MIPEP: variants seen among roughly 807,000 people sequenced by gnomAD.
The protein encoded by MIPEP is mitochondrial intermediate peptidase.
MIPEP carries 79 observed loss-of-function variants against 90.3 expected under a neutral mutation model. The observed-to-expected ratio is 0.87, with a 90% CI of 0.73 to 1.05. The LOEUF (loss-of-function observed/expected upper bound fraction) is 1.05. Among genes scored for constraint, MIPEP ranks in the 50% least tolerant of loss-of-function variants. The probability of loss-of-function intolerance (pLI) is 0.00; values close to 1 mark genes in which losing one functional copy is unlikely to be tolerated. For synonymous variants in MIPEP, 334 were observed against 315.8 expected (o/e 1.06, Z -0.61); for missense variants, 940 against 905.6 (o/e 1.04, Z -0.49).
intron 16 of MIPEP, among the ~76,000 whole-genome samples, chr13:23,789,361 G>A (rs551979301): frequency 6.6e-6 from 1 of 152,206 alleles, no homozygotes; most frequent in East Asian, 1.9e-4. Flanking sequence ...GTCTATAGAA[G>A]CCTTTTTTAA....
At chr13:23,772,158 A>G (rs996455648) in intron 16 of MIPEP, among the ~76,000 whole-genome samples, 3 of 152,170 alleles carry the variant, frequency 2.0e-5, no homozygotes, top group Admixed American at 6.5e-5. Flanking sequence ...TACCACCTGT[A>G]TTTTGTTCAG....
intron 14 of MIPEP, among the ~76,000 whole-genome samples, chr13:23,833,612 A>G (rs1868872203): frequency 1.3e-5 from 2 of 152,188 alleles, no homozygotes; most frequent in Non-Finnish European, 2.9e-5. Flanking sequence ...TTTGCACCTT[A>G]CATCACACTT....
intron 7 of MIPEP, among the ~76,000 whole-genome samples, chr13:23,866,041 C>T (rs1398650962): frequency 1.3e-5 from 2 of 152,112 alleles, no homozygotes; most frequent in South Asian, 2.1e-4. Flanking sequence ...AAGTGCCTCA[C>T]CGCAGTTACC....
chr13:23,751,924 T>TAAA (rs5802250), intron 18 of MIPEP, among the ~76,000 whole-genome samples: 2 of 146,882 alleles, frequency 1.4e-5, no homozygotes. Context: ...GTTGCGACAT[T>TAAA]AAAAAAAAAA....
rs192309158 is a variant in MIPEP, at chr13:23,752,956, G to A, written c.2044+3589C>T. Among the ~76,000 whole-genome samples, 202 of 152,312 alleles carry A rather than the reference G, an allele frequency of 1.3e-3. 1 individual carries two copies. The highest frequency in any genetic ancestry group is 2.3e-3 in the Non-Finnish European group (156 of 68,032). On this transcript the variant is annotated intron_variant, in intron 18 of 18. Transcript: ENST00000382172. The stretch of plus-strand genomic sequence containing the variant: ...AAAAGAAGTGCTTTGGGCCAGGCAA[G>A]GTGGCTCAGGCCTGTAACCCCAGCA...
chr13:23,808,192 G>A (rs947145329), intron 15 of MIPEP, among the ~76,000 whole-genome samples: 1 of 151,046 alleles, frequency 6.6e-6, no homozygotes, highest in Non-Finnish European at 1.5e-5. Context: ...TCCGCCTCCC[G>A]GGTTCACGCC....
chr13:23,750,829 G>C (rs2138503974), intron 18 of MIPEP, among the ~76,000 whole-genome samples: 1 of 152,326 alleles, frequency 6.6e-6, no homozygotes, highest in Non-Finnish European at 1.5e-5. Flanking sequence ...CACATCCCAA[G>C]ACTGTGATTT....
intron 18 of MIPEP, among the ~76,000 whole-genome samples, chr13:23,753,581 G>C (rs1440882259): frequency 1.3e-5 from 2 of 152,214 alleles, no homozygotes; most frequent in Admixed American, 6.5e-5. Flanking sequence ...CCAAGAGTTA[G>C]AGAGCATAGA....
At chr13:23,746,825 A>G (rs1296592816) in intron 18 of MIPEP, among the ~76,000 whole-genome samples, 1 of 152,132 alleles carries the variant, frequency 6.6e-6, no homozygotes, top group Non-Finnish European at 1.5e-5. Flanking sequence ...GAATGAATCT[A>G]CTACAAGATA....
At position 23,760,240 on chromosome 13, in the gene MIPEP, G is replaced by A. The variant is rs114529191; in HGVS notation, c.1849-23C>T. ...GGCCTGCCAAGAACAGAGAGACACAGCACGGGACACAAGTCAGTTTCCACT... is the reference window on the plus strand; with the variant it reads ...GGCCTGCCAAGAACAGAGAGACACAACACGGGACACAAGTCAGTTTCCACT... On this transcript the variant is annotated intron_variant, in intron 16 of 18. Coordinates refer to ENST00000382172, the MANE Select transcript of MIPEP (RefSeq NM_005932.4). 2.4e-4 allele frequency: 387 copies of A among 1,613,922 alleles called. 2 individuals are homozygous for A. The African/African-American group carries it at 4.8e-3, about 20-fold the overall frequency.
rs7987439 is a variant in MIPEP, at chr13:23,775,125, G to C, written c.1849-14908C>G. Among the ~76,000 whole-genome samples, 228 of 150,526 alleles carry C rather than the reference G, an allele frequency of 1.5e-3. 2 individuals are homozygous for C. The highest frequency in any genetic ancestry group is 5.4e-3 in the African/African-American group (221 of 40,990). On this transcript the variant is annotated intron_variant, in intron 16 of 18. Coordinates refer to ENST00000382172, the MANE Select transcript of MIPEP (RefSeq NM_005932.4). ...ATCAGTTCTCTGTGTGTGTGTGTGT[G>C]TGTGTGTGTGTGTGTGTGTGTGTGT...
intron 18 of MIPEP, among the ~76,000 whole-genome samples, chr13:23,740,617 C>T (rs1253332527): frequency 3.3e-5 from 5 of 152,046 alleles, no homozygotes; most frequent in African/African-American, 1.2e-4. Context: ...AGGATTTGTA[C>T]CTGAAGCAGC....
At chr13:23,846,331 G>A (rs138736993) in intron 10 of MIPEP, among the ~76,000 whole-genome samples, 137 of 152,272 alleles carry the variant, frequency 9.0e-4, no homozygotes, top group Non-Finnish European at 1.1e-3. Context: ...GAAGAGGAGA[G>A]ACATGACAAA....
At chr13:23,839,754 T>C (rs1869215532) in intron 11 of MIPEP, 28 bp from the exon 12 acceptor site, 2 of 1,519,208 alleles carry the variant, frequency 1.3e-6, no homozygotes, top group South Asian at 1.1e-5. Context: ...AATTTGGTGG[T>C]AAATGAGGCC....
Position 23,858,895 on chromosome 13 carries a change from GTCCCAGGGC to G in MIPEP, c.1062_1070del (p.Met354_Asp357delinsIle). On this transcript the variant is annotated inframe_deletion, in exon 10 of 19. Coordinates refer to ENST00000382172, the MANE Select transcript of MIPEP (RefSeq NM_005932.4). Reference sequence around the variant, plus strand: ...GAATCACACCACTGTAGTAAGGGGGGTCCCAGGGCATTACTTCCTACAATGGAATAATTC... The same window carrying G: ...GAATCACACCACTGTAGTAAGGGGGGATTACTTCCTACAATGGAATAATTC... 6.2e-7 allele frequency: 1 copy of G among 1,613,412 alleles called. No individual in the cohort carries two copies. The highest frequency in any genetic ancestry group is 8.5e-7 in the Non-Finnish European group (1 of 1,179,512).
In MIPEP at chr13:23,751,876, G is replaced by A. The variant is rs146174927; in HGVS notation, c.2044+4669C>T. Among the ~76,000 whole-genome samples, 545 of 151,996 alleles carry A rather than the reference G, an allele frequency of 3.6e-3. 2 individuals are homozygous for A. Among genetic ancestry groups the A allele is most frequent in the African/African-American group, 0.013 (530 of 41,476 alleles). Reference sequence around the variant, plus strand: ...AAGATTTTATTGTTGATCAGTGGATGTCAGGCAGGTCTCTCCAATGTCAAT... The same window carrying A: ...AAGATTTTATTGTTGATCAGTGGATATCAGGCAGGTCTCTCCAATGTCAAT... On this transcript the variant is annotated intron_variant, in intron 18 of 18. Coordinates refer to ENST00000382172, the MANE Select transcript of MIPEP (RefSeq NM_005932.4).
At chr13:23,732,274 C>T (rs1952214603) in intron 18 of MIPEP, among the ~76,000 whole-genome samples, 1 of 152,056 alleles carries the variant, frequency 6.6e-6, no homozygotes, top group Non-Finnish European at 1.5e-5. Flanking sequence ...CAGGCGTGAG[C>T]CACTGTGCTA....
rs4770502 is a variant in MIPEP at position 23,846,484 on chromosome 13, T to C, written c.1107-4996A>G. Among the ~76,000 whole-genome samples, 4,012 of 152,308 alleles carry C rather than the reference T, an allele frequency of 0.026. 423 individuals carry two copies. The East Asian group carries it at 0.35, about 13-fold the overall frequency. ...AATGCTTGGGATATGTTTTGGATTTTGGATTTTTTTTTCTATTTTGGAAAA... is the reference window on the plus strand; with the variant it reads ...AATGCTTGGGATATGTTTTGGATTTCGGATTTTTTTTTCTATTTTGGAAAA... On this transcript the variant is annotated intron_variant, in intron 10 of 18. Transcript: ENST00000382172.
chr13:23,815,594 C>A (rs542638848), intron 14 of MIPEP, among the ~76,000 whole-genome samples: 3 of 152,298 alleles, frequency 2.0e-5, no homozygotes, highest in East Asian at 3.9e-4. Flanking sequence ...CAGGCGTGAG[C>A]CACTGTGCCA....
Sources: gnomAD v4.1 joint callset for allele counts (sites outside exome capture counted in the v4.1 genomes callset) on GRCh38, gnomAD v4.1.1 for gene constraint, MANE v1.5 for transcripts, NCBI Gene and HGNC (gene_info 2026-07-23, HGNC 2026-07-21) for gene names.